The following NEAT1 variants were observed in gnomAD, a reference collection of about 807,000 sequenced individuals.
NEAT1 encodes MENepsilon/beta.
chr11:65,429,134 T>A (rs1320147798), exon 1 of NEAT1: 1 of 152,186 alleles, frequency 6.6e-6, no homozygotes, highest in Non-Finnish European at 1.5e-5. Context: ...TTTTTTCCTC[T>A]TAGAAAATAA....
At chr11:65,431,742 AT>A (rs1856615503) in exon 1 of NEAT1, 1 of 152,162 alleles carries the variant, frequency 6.6e-6, no homozygotes, top group Admixed American at 6.5e-5. Context: ...TCCTTTGACT[AT>A]TTTAAAAATT....
exon 1 of NEAT1, chr11:65,437,183 T>TTA (rs1197288595): frequency 1.0e-4 from 14 of 139,090 alleles, no homozygotes; most frequent in East Asian, 7.9e-4. Context: ...GCTCTTTAGT[T>TTA]TATATATATA....
chr11:65,428,139 T>C (rs1856580342), exon 1 of NEAT1: 1 of 152,228 alleles, frequency 6.6e-6, no homozygotes, highest in Non-Finnish European at 1.5e-5. Context: ...TATGCATAGA[T>C]CTGAATTCAG....
chr11:65,425,881 TAGAC>T (rs1443730793), exon 1 of NEAT1: 2 of 152,198 alleles, frequency 1.3e-5, no homozygotes, highest in East Asian at 3.8e-4. Flanking sequence ...TAATATTTGG[TAGAC>T]AGAATCCATG....
chr11:65,431,192 C>CT (rs1208891222), exon 1 of NEAT1: 2 of 152,150 alleles, frequency 1.3e-5, no homozygotes, highest in African/African-American at 4.8e-5. Context: ...CGAGATGCGT[C>CT]TATGTTGTAG....
At chr11:65,429,452 T>C (rs375951578) in exon 1 of NEAT1, 6 of 151,982 alleles carry the variant, frequency 3.9e-5, no homozygotes, top group African/African-American at 1.5e-4. Context: ...TGACTGAACA[T>C]CTCTACCTTG....
chr11:65,423,213 G>A (rs1856517910), exon 1 of NEAT1: 1 of 153,374 alleles, frequency 6.5e-6, no homozygotes, highest in Admixed American at 6.5e-5. Flanking sequence ...GATCAGGAAG[G>A]CAGGCAGTGG....
exon 1 of NEAT1, chr11:65,433,127 T>A (rs1214415419): frequency 1.3e-5 from 2 of 152,284 alleles, no homozygotes; most frequent in East Asian, 3.9e-4. Flanking sequence ...TGGTTCCACA[T>A]CTTTGCAATT....
exon 1 of NEAT1, chr11:65,439,769 G>A (rs1856697170): frequency 6.6e-6 from 1 of 152,102 alleles, no homozygotes; most frequent in Non-Finnish European, 1.5e-5. Context: ...GAATGATTAA[G>A]GTCTTGGGGG....
exon 1 of NEAT1, chr11:65,437,085 A>G (rs556395154): frequency 1.3e-5 from 2 of 151,684 alleles, no homozygotes; most frequent in Admixed American, 6.6e-5. Context: ...CTGATTAATA[A>G]TAAGAGCTCT....
At chr11:65,427,502 C>A (rs1856573224) in exon 1 of NEAT1, 1 of 152,216 alleles carries the variant, frequency 6.6e-6, no homozygotes, top group South Asian at 2.1e-4. Flanking sequence ...GCCGTTATAT[C>A]TTGGTGACCC....
chr11:65,430,184 T>G (rs529269064), exon 1 of NEAT1: 87 of 152,488 alleles, frequency 5.7e-4, no homozygotes, highest in Middle Eastern at 3.3e-3. Context: ...TACTCCTTGT[T>G]GAGCTCTCAC....
chr11:65,440,820 G>T (rs1311437961), exon 1 of NEAT1: 1 of 142,462 alleles, frequency 7.0e-6, no homozygotes, highest in African/African-American at 2.6e-5. Context: ...TCCAGCCTGG[G>T]TGACAGAGCA....
At chr11:65,425,216 C>T (rs1385034006) in exon 1 of NEAT1, 1 of 152,012 alleles carries the variant, frequency 6.6e-6, no homozygotes, top group Non-Finnish European at 1.5e-5. Flanking sequence ...AACTAACAAA[C>T]AAAAATTGTT....
At chr11:65,437,468 A>G (rs936670071) in exon 1 of NEAT1, 1 of 151,938 alleles carries the variant, frequency 6.6e-6, no homozygotes, top group Non-Finnish European at 1.5e-5. Context: ...GCTATTAACT[A>G]TTGATCTGTC....
exon 1 of NEAT1, chr11:65,434,736 C>T (rs1031545069): frequency 4.6e-5 from 7 of 152,216 alleles, no homozygotes; most frequent in Admixed American, 1.3e-4. Flanking sequence ...CCATTCTGCC[C>T]TGTTGCCCTC....
At chr11:65,445,510 T>C (rs1856758451) in exon 1 of NEAT1, 1 of 152,248 alleles carries the variant, frequency 6.6e-6, no homozygotes, top group Admixed American at 6.5e-5. Flanking sequence ...CACCTTCCCA[T>C]CTGTGAAAGA....
At chr11:65,425,858 G>A (rs565263909) in exon 1 of NEAT1, 36 of 152,192 alleles carry the variant, frequency 2.4e-4, no homozygotes, top group South Asian at 8.3e-4. Context: ...ACCTTTTGTG[G>A]TCACTGTAAA....
exon 1 of NEAT1, chr11:65,432,905 A>G (rs1476589866): frequency 6.6e-6 from 1 of 151,284 alleles, no homozygotes; most frequent in East Asian, 1.9e-4. Flanking sequence ...TTTTGTACCC[A>G]TAAGTTAGCT....
Sources: gnomAD v4.1 joint callset for allele counts on GRCh38, gnomAD v4.1.1 for gene constraint, MANE v1.5 for transcripts, NCBI Gene and HGNC (gene_info 2026-07-23, HGNC 2026-07-21) for gene names.